The following EXOC6 variants were observed in gnomAD, a reference collection of about 807,000 sequenced individuals.
EXOC6 encodes SEC15-like 1.
In EXOC6, 60 loss-of-function variants were observed where a neutral mutation model predicts 112.5. That is an observed-to-expected ratio of 0.53 (90% confidence interval 0.43 to 0.66). The LOEUF (loss-of-function observed/expected upper bound fraction) is 0.66, where lower values mean the gene tolerates loss of function less well. Among genes scored for constraint, EXOC6 ranks in the 30% least tolerant of loss-of-function variants. EXOC6 has a pLI of 0.00. For synonymous variants in EXOC6, 295 were observed against 308.0 expected (o/e 0.96, Z 0.44); for missense variants, 855 against 957.1 (o/e 0.89, Z 1.41).
At chr10:92,903,945 C>T (rs1850308754) in intron 5 of EXOC6, among the ~76,000 whole-genome samples, 2 of 151,974 alleles carry the variant, frequency 1.3e-5, no homozygotes, top group African/African-American at 4.8e-5. Flanking sequence ...TCCTGTGCTC[C>T]CTATCTTTCC....
chr10:92,872,277 T>A (rs1848490687), intron 1 of EXOC6, among the ~76,000 whole-genome samples: 1 of 152,116 alleles, frequency 6.6e-6, no homozygotes, highest in African/African-American at 2.4e-5. Flanking sequence ...GTGTTTTTTA[T>A]AACTTTCCAA....
At chr10:92,848,750 CGCGGGGGCGG>C (rs988360114) in intron 1 of EXOC6, 116 bp downstream of exon 1, 12 of 855,410 alleles carry the variant, frequency 1.4e-5, no homozygotes, top group East Asian at 7.1e-5. Flanking sequence ...AGGTGGTGCG[CGCGGGGGCGG>C]GCGGGGGCGC....
rs964541007 is a variant in EXOC6, at chr10:92,996,391, C to A, written c.1954-1083C>A. 9.2e-5 allele frequency among the ~76,000 whole-genome samples: 14 copies of A among 152,198 alleles called. No homozygotes were observed. In the Middle Eastern group the frequency reaches 0.01, roughly 111 times the overall value. The stretch of plus-strand genomic sequence containing the variant: ...ATAATTTATCTTTGGGAGGCCAAGG[C>A]GGGCGGATCACAAGGTCAGATCGAG... On this transcript the variant is annotated intron_variant, in intron 18 of 21. Coordinates refer to ENST00000260762, the MANE Select transcript of EXOC6 (RefSeq NM_019053.6).
chr10:93,016,608 T>C (rs1844530514), intron 20 of EXOC6, among the ~76,000 whole-genome samples: 1 of 152,154 alleles, frequency 6.6e-6, no homozygotes, highest in Admixed American at 6.5e-5. Flanking sequence ...TATAAGAAAA[T>C]CATGTGAGAA....
At chr10:93,016,847 T>A (rs1197946678) in intron 20 of EXOC6, among the ~76,000 whole-genome samples, 15 of 151,882 alleles carry the variant, frequency 9.9e-5, no homozygotes, top group Admixed American at 9.8e-4. Flanking sequence ...CGTCTCGCTC[T>A]TGTCACCAAA....
chr10:92,959,280 G>C (rs1853859238), intron 17 of EXOC6, among the ~76,000 whole-genome samples: 1 of 152,154 alleles, frequency 6.6e-6, no homozygotes. Context: ...AAATAGTGCT[G>C]AATCAACTGG....
intron 14 of EXOC6, among the ~76,000 whole-genome samples, chr10:92,950,347 C>A (rs1182768578): frequency 6.6e-6 from 1 of 151,940 alleles, no homozygotes; most frequent in Non-Finnish European, 1.5e-5. Flanking sequence ...AACATACATG[C>A]AAAAATGTTT....
Position 92,878,622 on chromosome 10 carries a change from A to T in EXOC6, c.102-14727A>T, listed in dbSNP as rs140253500. Among the ~76,000 whole-genome samples the T allele has an allele frequency of 5.6e-3, 855 of 152,252 alleles. 6 individuals carry two copies. Among genetic ancestry groups the T allele is most frequent in the African/African-American group, 0.017 (708 of 41,550 alleles). On this transcript the variant is annotated intron_variant, in intron 1 of 21. Coordinates refer to ENST00000260762, the MANE Select transcript of EXOC6 (RefSeq NM_019053.6). ...TGTCTCTTATCACACATGCATGCCC[A>T]GGAAGTTGCTTCTTCCTGGGGGTGC...
At chr10:93,015,259 G>A (rs1286849455) in intron 20 of EXOC6, among the ~76,000 whole-genome samples, 1 of 152,162 alleles carries the variant, frequency 6.6e-6, no homozygotes, top group East Asian at 1.9e-4. Flanking sequence ...TCTGACTTCA[G>A]TAAATGTTTG....
chr10:93,043,010 C>T (rs1406774832), intron 20 of EXOC6, among the ~76,000 whole-genome samples: 3 of 151,656 alleles, frequency 2.0e-5, no homozygotes, highest in Non-Finnish European at 4.4e-5. Flanking sequence ...AATCTTGGCC[C>T]ACTGCAACCT....
In EXOC6 at chr10:92,955,660, T is replaced by C; in HGVS notation, c.1719T>C (p.Asn573=). The C allele has an allele frequency of 6.2e-7, 1 of 1,612,082 alleles. No homozygotes were observed. The highest frequency in any genetic ancestry group is 8.5e-7 in the Non-Finnish European group (1 of 1,178,622). Residue 573 remains asparagine (N), a synonymous_variant, in exon 17 of 22, where the codon AAT becomes AAC. Coordinates refer to ENST00000260762, the MANE Select transcript of EXOC6 (RefSeq NM_019053.6). ...AGGACTTTATAACTAACATTACAAA[T>C]ATTTCCCAAGAAACTGTTCATACTA... The part of the protein sequence containing the change: ...YLEDFITNIT[N]ISQETVHTTR...
chr10:92,929,040 T>C (rs1283299375), intron 9 of EXOC6, among the ~76,000 whole-genome samples: 1 of 152,114 alleles, frequency 6.6e-6, no homozygotes, highest in African/African-American at 2.4e-5. Context: ...ATCTGCTGAG[T>C]AGGAAAGCAT....
intron 17 of EXOC6, among the ~76,000 whole-genome samples, chr10:92,965,007 AAGAGGATGGGACTGGTAATT>A (rs1841986118): frequency 1.3e-5 from 2 of 152,140 alleles, no homozygotes; most frequent in Non-Finnish European, 2.9e-5. Flanking sequence ...ATTTTTTTGT[AAGAGGATGGGACTGGTAATT>A]GACTTAAACT....
chr10:92,911,835 G>A (rs1001050568), intron 6 of EXOC6, among the ~76,000 whole-genome samples: 3 of 151,292 alleles, frequency 2.0e-5, no homozygotes, highest in Non-Finnish European at 4.4e-5. Flanking sequence ...CTCAAGATTT[G>A]ATAAGAAAAG....
chr10:92,852,916 C>T (rs889026938), intron 1 of EXOC6, among the ~76,000 whole-genome samples: 14 of 151,776 alleles, frequency 9.2e-5, no homozygotes, highest in African/African-American at 3.1e-4. Flanking sequence ...AATATAAGGC[C>T]GGTATAATAA....
chr10:92,905,869 C>G (rs900528649), intron 5 of EXOC6, among the ~76,000 whole-genome samples: 2 of 152,082 alleles, frequency 1.3e-5, no homozygotes, highest in African/African-American at 4.8e-5. Flanking sequence ...ATTGATGGTA[C>G]TGTTCAGTTC....
chr10:93,010,897 G>T (rs1472040995), intron 19 of EXOC6, among the ~76,000 whole-genome samples: 1 of 152,020 alleles, frequency 6.6e-6, no homozygotes, highest in African/African-American at 2.4e-5. Flanking sequence ...AAAGTATAAA[G>T]TGCTATATAA....
chr10:92,920,269 A>G (rs2133907991), intron 8 of EXOC6, among the ~76,000 whole-genome samples: 1 of 152,278 alleles, frequency 6.6e-6, no homozygotes, highest in African/African-American at 2.4e-5. Flanking sequence ...TTGTAATAGT[A>G]TACTTCCATT....
intron 20 of EXOC6, among the ~76,000 whole-genome samples, chr10:93,049,046 A>ATG (rs1218548655): frequency 2.0e-5 from 3 of 151,920 alleles, no homozygotes; most frequent in Non-Finnish European, 4.4e-5. Context: ...TTGTACATAA[A>ATG]TGTTAATAGC....
Sources: gnomAD v4.1 joint callset for allele counts (sites outside exome capture counted in the v4.1 genomes callset) on GRCh38, gnomAD v4.1.1 for gene constraint, MANE v1.5 for transcripts, NCBI Gene and HGNC (gene_info 2026-07-23, HGNC 2026-07-21) for gene names.